Variants in MSRB3 observed in about 807,000 individuals in gnomAD.
The protein encoded by MSRB3 is methionine sulfoxide reductase B3.
A neutral mutation model predicts 21.0 loss-of-function variants in MSRB3; 13 were observed. The ratio of observed to expected loss-of-function variants is 0.62; its 90% CI spans 0.40 to 0.98. MSRB3 has a LOEUF of 0.98. MSRB3 is among the 50% of genes least tolerant of loss of function. MSRB3 has a pLI of 0.00. For missense variants in MSRB3, 199 were observed against 230.3 expected, an observed-to-expected ratio of 0.86 and a Z score of 0.88; for synonymous variants, 87 against 88.6, an observed-to-expected ratio of 0.98 and a Z score of 0.10.
intron 5 of MSRB3, among the ~76,000 whole-genome samples, chr12:65,436,102 C>A (rs997188): frequency 0.52 from 78,531 of 151,494 alleles, 21,161 homozygotes; most frequent in Non-Finnish European, 0.62. Flanking sequence ...GAGTTCTTAA[C>A]CTGGGGTCCT....
Position 65,308,595 on chromosome 12 carries a change from C to T in MSRB3, c.16C>T (p.Leu6=). Reference sequence around the variant, plus strand: ...TATCACAGTGATGTCTGCATTCAACCTGCTGCATTTGGTGACAAAGAGCCA... The same window carrying T: ...TATCACAGTGATGTCTGCATTCAACTTGCTGCATTTGGTGACAAAGAGCCA... The part of the protein sequence containing the change: MSAFN[L]LHLVTKSQPV... The change falls in exon 2 of 7, where the codon CTG becomes TTG. Residue 6 remains leucine, a synonymous_variant. Coordinates refer to ENST00000308259, the MANE Select transcript of MSRB3 (RefSeq NM_001031679.3). 6.2e-7 allele frequency: 1 copy of T among 1,613,924 alleles called. No homozygotes were observed. The highest frequency in any genetic ancestry group is 1.1e-5 in the South Asian group (1 of 91,080).
intron 6 of MSRB3, 70 bp from the exon 7 acceptor site, chr12:65,463,085 C>T: frequency 1.9e-6 from 3 of 1,587,376 alleles, no homozygotes; most frequent in Admixed American, 1.7e-5. Context: ...ATTTAAACTG[C>T]TTAATGTGAA....
chr12:65,400,419 G>A (rs902449746), intron 5 of MSRB3, among the ~76,000 whole-genome samples: 24 of 152,104 alleles, frequency 1.6e-4, no homozygotes, highest in Non-Finnish European at 3.5e-4. Context: ...AGTATTCTCT[G>A]ATGGTAGTTT....
intron 4 of MSRB3, among the ~76,000 whole-genome samples, chr12:65,348,009 G>A (rs922372985): frequency 3.9e-5 from 6 of 152,076 alleles, no homozygotes; most frequent in African/African-American, 2.4e-5. Context: ...GAGGATTTTT[G>A]CATCGATGTT....
intron 1 of MSRB3, among the ~76,000 whole-genome samples, chr12:65,280,904 T>C (rs1298464164): frequency 1.3e-5 from 2 of 152,190 alleles, no homozygotes; most frequent in Non-Finnish European, 2.9e-5. Context: ...TCATCAGTTT[T>C]TCTAATACAT....
At chr12:65,415,815 A>G (rs990586739) in intron 5 of MSRB3, among the ~76,000 whole-genome samples, 3 of 152,190 alleles carry the variant, frequency 2.0e-5, no homozygotes, top group Admixed American at 2.0e-4. Flanking sequence ...CCCATCCTAG[A>G]TCAACTGCCT....
At chr12:65,407,171 G>A (rs1251811102) in intron 5 of MSRB3, among the ~76,000 whole-genome samples, 1 of 152,022 alleles carries the variant, frequency 6.6e-6, no homozygotes, top group African/African-American at 2.4e-5. Context: ...ATAGTCTATT[G>A]ACTTTTGACA....
chr12:65,334,053 G>C (rs1339320113), intron 4 of MSRB3, among the ~76,000 whole-genome samples: 1 of 151,992 alleles, frequency 6.6e-6, no homozygotes, highest in East Asian at 1.9e-4. Flanking sequence ...TTTTTTCCTT[G>C]TTAGCGGATA....
At chr12:65,444,202 G>T (rs186803743) in intron 5 of MSRB3, among the ~76,000 whole-genome samples, 153 of 152,206 alleles carry the variant, frequency 1.0e-3, no homozygotes, top group African/African-American at 3.1e-3. Flanking sequence ...TTTGACCTGG[G>T]AACCTGACCT....
intron 4 of MSRB3, among the ~76,000 whole-genome samples, chr12:65,348,994 G>C (rs1261767731): frequency 6.6e-6 from 1 of 151,962 alleles, no homozygotes; most frequent in Non-Finnish European, 1.5e-5. Flanking sequence ...TGCCATGCTG[G>C]TGCGCTGCAC....
At chr12:65,368,102 T>C (rs78894717) in intron 4 of MSRB3, among the ~76,000 whole-genome samples, 2,735 of 152,256 alleles carry the variant, frequency 0.018, 92 homozygotes, top group African/African-American at 0.063. Flanking sequence ...AAAAGTGCTT[T>C]GGAACCCTGG....
intron 5 of MSRB3, among the ~76,000 whole-genome samples, chr12:65,441,771 A>G (rs1882391938): frequency 6.6e-6 from 1 of 152,004 alleles, no homozygotes; most frequent in South Asian, 2.1e-4. Context: ...GTAATAGAGT[A>G]TGCTTTGGTT....
At chr12:65,410,474 T>A (rs1012995520) in intron 5 of MSRB3, among the ~76,000 whole-genome samples, 2 of 152,046 alleles carry the variant, frequency 1.3e-5, no homozygotes, top group African/African-American at 4.8e-5. Context: ...AAACCCTGTC[T>A]CTACAAAAAA....
At chr12:65,322,391 G>T (rs1325932925) in intron 2 of MSRB3, among the ~76,000 whole-genome samples, 2 of 152,092 alleles carry the variant, frequency 1.3e-5, no homozygotes, top group Non-Finnish European at 2.9e-5. Flanking sequence ...GGGTGTGGTG[G>T]CTCACACCTG....
chr12:65,419,606 G>A (rs1881170005), intron 5 of MSRB3: 3 of 718,898 alleles, frequency 4.2e-6, no homozygotes, highest in Non-Finnish European at 7.7e-6. Flanking sequence ...GTGAAGATAT[G>A]AGCCCTCAGG....
chr12:65,394,270 A>T (rs1440945689), intron 5 of MSRB3, among the ~76,000 whole-genome samples: 2 of 152,198 alleles, frequency 1.3e-5, no homozygotes, highest in Non-Finnish European at 2.9e-5. Flanking sequence ...TAATTGTTTT[A>T]CTTACGTAAT....
At chr12:65,300,457 C>A (rs890159150) in intron 1 of MSRB3, among the ~76,000 whole-genome samples, 2 of 152,220 alleles carry the variant, frequency 1.3e-5, no homozygotes, top group Non-Finnish European at 2.9e-5. Context: ...TGGCATTAGA[C>A]TTCTCATCCT....
intron 4 of MSRB3, among the ~76,000 whole-genome samples, chr12:65,366,982 A>T (rs1878048591): frequency 6.6e-6 from 1 of 152,094 alleles, no homozygotes; most frequent in Admixed American, 6.5e-5. Context: ...GGAGGAGGGG[A>T]AGTGACAGAC....
intron 2 of MSRB3, among the ~76,000 whole-genome samples, chr12:65,318,644 G>A (rs1433925439): frequency 1.3e-5 from 2 of 152,090 alleles, no homozygotes; most frequent in African/African-American, 4.8e-5. Context: ...TTCCACTGTT[G>A]TCACTTGATG....
Sources: allele counts gnomAD v4.1 joint callset (sites outside exome capture counted in the v4.1 genomes callset), GRCh38; gene constraint gnomAD v4.1.1; transcripts MANE v1.5; gene names NCBI Gene and HGNC (gene_info 2026-07-23, HGNC 2026-07-21).